Variants in DEFB121 observed in about 807,000 individuals in gnomAD.
The protein encoded by DEFB121 is defensin beta 121.
In DEFB121, 5 loss-of-function variants were observed where a neutral mutation model predicts 2.5. The observed-to-expected ratio is 1.96, with a 90% CI of 1.03 to 4.13. The LOEUF (loss-of-function observed/expected upper bound fraction) is 4.13, where lower values mean the gene tolerates loss of function less well. Ranked by LOEUF, DEFB121 falls within the 30% of genes most tolerant of loss-of-function variation. DEFB121 has a pLI of 0.00. For synonymous variants in DEFB121, 39 were observed against 32.6 expected, an observed-to-expected ratio of 1.20 and a Z score of -0.67; for missense variants, 87 against 85.0, an observed-to-expected ratio of 1.02 and a Z score of -0.09.
upstream of DEFB121, among the ~76,000 whole-genome samples, chr20:31,416,195 G>A (rs994358121): frequency 6.6e-5 from 10 of 152,062 alleles, no homozygotes; most frequent in African/African-American, 2.4e-4. Context: ...CAAGTAGCTG[G>A]GACTACAGGT....
chr20:31,413,795 T>C (rs1978728931), upstream of DEFB121, among the ~76,000 whole-genome samples: 2 of 152,156 alleles, frequency 1.3e-5, no homozygotes, highest in Admixed American at 1.3e-4. Flanking sequence ...GCCAGAATTA[T>C]CCAAACAACA....
chr20:31,412,547 C>A, intron 1 of DEFB121: 2 of 1,119,264 alleles, frequency 1.8e-6, no homozygotes, highest in East Asian at 5.8e-5. Flanking sequence ...GCTTGTAAAG[C>A]TCAGGGAATA....
At chr20:31,412,422 G>A (rs960788065) in intron 1 of DEFB121, among the ~76,000 whole-genome samples, 2 of 152,168 alleles carry the variant, frequency 1.3e-5, no homozygotes, top group Non-Finnish European at 1.5e-5. Context: ...CCACATATTA[G>A]CCATGTGACT....
chr20:31,416,088 T>G (rs1435785246), upstream of DEFB121, among the ~76,000 whole-genome samples: 1 of 146,212 alleles, frequency 6.8e-6, no homozygotes, highest in East Asian at 1.9e-4. Flanking sequence ...TTAGACAGAG[T>G]CTTACTCTGT....
At chr20:31,408,820 A>T (rs1487596147), upstream of DEFB121, among the ~76,000 whole-genome samples, 1 of 152,178 alleles carries the variant, frequency 6.6e-6, no homozygotes, top group Non-Finnish European at 1.5e-5. Context: ...GAAGCCAGGA[A>T]TTCGAGACCA....
chr20:31,412,690 T>G, exon 1 of DEFB121: 3 of 1,290,572 alleles, frequency 2.3e-6, no homozygotes, highest in Non-Finnish European at 3.0e-6. Context: ...GGCTTTTCAT[T>G]GTCAACACAG....
At chr20:31,413,136 C>G (rs935269286), upstream of DEFB121, among the ~76,000 whole-genome samples, 1 of 152,172 alleles carries the variant, frequency 6.6e-6, no homozygotes, top group African/African-American at 2.4e-5. Flanking sequence ...TACTCCACAT[C>G]CAAAGCTACC....
chr20:31,412,723 T>A, exon 1 of DEFB121: 2 of 1,250,292 alleles, frequency 1.6e-6, no homozygotes, highest in Non-Finnish European at 2.1e-6. Context: ...ACAAGGGACA[T>A]TAGGATTGGC....
chr20:31,411,515 G>T (rs1214210110), intron 1 of DEFB121, among the ~76,000 whole-genome samples: 2 of 151,200 alleles, frequency 1.3e-5, no homozygotes, highest in East Asian at 3.9e-4. Context: ...TAGATGGGGT[G>T]AATGCCTTTC....
At chr20:31,406,597 T>C (rs1459988569), upstream of DEFB121, among the ~76,000 whole-genome samples, 2 of 152,160 alleles carry the variant, frequency 1.3e-5, no homozygotes, top group African/African-American at 4.8e-5. Flanking sequence ...TTCATTATAA[T>C]ACCAAATGAA....
At chr20:31,410,824 G>GAGAA (rs1491531706), upstream of DEFB121, among the ~76,000 whole-genome samples, 1 of 53,326 alleles carries the variant, frequency 1.9e-5, no homozygotes, top group African/African-American at 1.5e-4. Context: ...CTTGAAAAAT[G>GAGAA]AGAGAGAGAG....
At chr20:31,406,726 A>T (rs1294112416), upstream of DEFB121, among the ~76,000 whole-genome samples, 3 of 152,246 alleles carry the variant, frequency 2.0e-5, no homozygotes, top group African/African-American at 4.8e-5. Flanking sequence ...TTAACAGTAC[A>T]TATTTAATAG....
upstream of DEFB121, among the ~76,000 whole-genome samples, chr20:31,416,775 T>G (rs1206027379): frequency 6.6e-6 from 1 of 152,222 alleles, no homozygotes; most frequent in Non-Finnish European, 1.5e-5. Context: ...TTCCAGAGAA[T>G]AAGTCCAAAA....
upstream of DEFB121, among the ~76,000 whole-genome samples, chr20:31,417,222 G>A (rs1052204093): frequency 1.3e-5 from 2 of 152,256 alleles, no homozygotes; most frequent in East Asian, 3.9e-4. Flanking sequence ...ATGTGTGCCT[G>A]TAATCTCAGG....
At chr20:31,411,609 T>C (rs754285320) in intron 1 of DEFB121, among the ~76,000 whole-genome samples, 1 of 148,678 alleles carries the variant, frequency 6.7e-6, no homozygotes, top group African/African-American at 2.5e-5. Context: ...GGAGCGAATA[T>C]GTGTTTTCCA....
intron 1 of DEFB121, 92 bp from the exon 2 acceptor site, chr20:31,405,177 G>A: frequency 1.5e-6 from 2 of 1,294,704 alleles, no homozygotes; most frequent in Non-Finnish European, 2.1e-6. Flanking sequence ...TAGAGGAGTA[G>A]GAGGGAAATG....
upstream of DEFB121, among the ~76,000 whole-genome samples, chr20:31,415,653 A>ATG (rs1978786302): frequency 6.6e-6 from 1 of 151,098 alleles, no homozygotes; most frequent in South Asian, 2.1e-4. Flanking sequence ...AAATAAATAT[A>ATG]TATATATTAC....
upstream of DEFB121, among the ~76,000 whole-genome samples, chr20:31,407,467 C>A (rs1978519165): frequency 6.6e-6 from 1 of 152,144 alleles, no homozygotes; most frequent in South Asian, 2.1e-4. Flanking sequence ...TGAATATTTT[C>A]ATTTGCCCTT....
upstream of DEFB121, among the ~76,000 whole-genome samples, chr20:31,417,765 C>A (rs1421401236): frequency 2.0e-5 from 3 of 151,794 alleles, no homozygotes; most frequent in East Asian, 1.9e-4. Flanking sequence ...GAGTTTGAGA[C>A]CAGCCTGGCC....
Sources: allele counts gnomAD v4.1 joint callset (sites outside exome capture counted in the v4.1 genomes callset), GRCh38; gene constraint gnomAD v4.1.1; transcripts MANE v1.5; gene names NCBI Gene and HGNC (gene_info 2026-07-23, HGNC 2026-07-21).